RGP1: variants seen among roughly 807,000 people sequenced by gnomAD.
RGP1 encodes RAB6A-GEF complex partner protein 2.
A neutral mutation model predicts 44.5 loss-of-function variants in RGP1; 28 were observed. The observed-to-expected ratio is 0.63, with a 90% confidence interval of 0.47 to 0.86. The LOEUF (loss-of-function observed/expected upper bound fraction) is 0.86, where lower values mean the gene tolerates loss of function less well. Ranked by LOEUF, RGP1 falls within the 40% of genes least tolerant of loss-of-function variation. The pLI, the probability that RGP1 is intolerant of heterozygous loss-of-function variation, is 0.00. For synonymous variants in RGP1, 212 were observed against 196.7 expected, an observed-to-expected ratio of 1.08 and a Z score of -0.65; for missense variants, 417 against 490.7, an observed-to-expected ratio of 0.85 and a Z score of 1.42.
At chr9:35,779,666 C>T in the RGP1 span, among the ~76,000 whole-genome samples, 1 of 152,206 alleles carries the variant, frequency 6.6e-6, no homozygotes, top group Non-Finnish European at 1.5e-5. Flanking sequence ...TCAGGATTCT[C>T]TGCATTAGGG....
Position 35,752,013 on chromosome 9 carries a change from G to A in RGP1, c.820G>A (p.Gly274Arg), listed in dbSNP as rs1456858720. ...RVQPEYQRRR[G>R]AGGVPSVSHV... is the part of the protein sequence containing the mutation. ...ACAGCCTGAGTACCAGCGGCGACGT[G>A]GGGCAGGGGGTGTCCCCTCTGTGTC... Residue 274 changes from glycine (G) to arginine (R), a missense_variant, in exon 8 of 9, where the codon GGG (glycine) becomes AGG (arginine). Transcript: ENST00000378078. 1 of 1,606,250 alleles carries A rather than the reference G, an allele frequency of 6.2e-7. No homozygotes were observed. Among genetic ancestry groups the A allele is most frequent in the Non-Finnish European group, 8.5e-7 (1 of 1,176,248 alleles).
Position 35,757,899 on chromosome 9 carries a change from TTGG to T in RGP1, c.*5029_*5031del, listed in dbSNP as rs968844390. On this transcript the variant is annotated 3_prime_UTR_variant, in exon 9 of 9. Coordinates refer to ENST00000378078, the MANE Select transcript of RGP1 (RefSeq NM_001080496.3). ...ACTCTGTCAAATGATTTAAGTAATT[TTGG>T]TGGATTTTTAAAAATAAAAAAATAA... 4.1e-4 allele frequency: 63 copies of T among 152,340 alleles called. 1 individual carries two copies. Among genetic ancestry groups the T allele is most frequent in the African/African-American group, 1.5e-3 (62 of 41,576 alleles). 9.4% of individuals were successfully genotyped at this position (152,340 alleles called of 1,614,324 possible). A position where few individuals can be genotyped will look rare whatever the true frequency, so the allele number is the denominator to read the frequency against.
the RGP1 span, among the ~76,000 whole-genome samples, chr9:35,786,234 AG>A: frequency 3.3e-5 from 5 of 152,202 alleles, no homozygotes; most frequent in East Asian, 7.7e-4. Context: ...TTAAAAGGCA[AG>A]GGGACACCTT....
chr9:35,789,171 C>G, the RGP1 span, among the ~76,000 whole-genome samples: 1,443 of 152,250 alleles, frequency 9.5e-3, 13 homozygotes, highest in African/African-American at 0.033. Flanking sequence ...GTGCCCACCA[C>G]CACGCCCAGC....
At chr9:35,781,395 TGGGGGTGGGGGGA>T in the RGP1 span, among the ~76,000 whole-genome samples, 1 of 20,006 alleles carries the variant, frequency 5.0e-5, no homozygotes, top group Non-Finnish European at 9.4e-5. Flanking sequence ...CAGGAGATAG[TGGGGGTGGGGGGA>T]GGGGGTGGGG....
the RGP1 span, among the ~76,000 whole-genome samples, chr9:35,788,581 A>G: frequency 5.3e-5 from 8 of 151,368 alleles, no homozygotes; most frequent in South Asian, 2.1e-4. Context: ...AAGAAAAAAA[A>G]AAAAAGAAAA....
Position 35,750,686 on chromosome 9 carries a change from T to A in RGP1, c.282T>A (p.Thr94=), listed in dbSNP as rs1436145692. 3.1e-6 allele frequency: 5 copies of A among 1,613,972 alleles called. No individual in the cohort carries two copies. Among genetic ancestry groups the A allele is most frequent in the Non-Finnish European group, 4.2e-6 (5 of 1,179,876 alleles). Residue 94 remains threonine (T), a synonymous_variant, in exon 4 of 9, where the codon ACT becomes ACA. Coordinates refer to ENST00000378078, the MANE Select transcript of RGP1 (RefSeq NM_001080496.3). The part of the protein sequence containing the change: ...RGERGQCILS[T]PPKILFCDLR... ...AGAGGGGCCAGTGTATCCTTTCTAC[T>A]CCACCGAAAATTCTATTCTGTGACC... is the stretch of plus-strand genomic sequence containing the variant.
chr9:35,754,098 G>A lies in RGP1; in HGVS notation c.*1224G>A, dbSNP rs1435343165. On this transcript the variant is annotated 3_prime_UTR_variant, in exon 9 of 9. Coordinates refer to ENST00000378078, the MANE Select transcript of RGP1 (RefSeq NM_001080496.3). ...CCCCCAGCCTCCTAGGATCCCCTTG[G>A]CCTGTCCAGCCCAGAGCATCCTTAG... 6.2e-7 allele frequency: 1 copy of A among 1,613,464 alleles called. No homozygotes were observed. The highest frequency in any genetic ancestry group is 1.3e-5 in the African/African-American group (1 of 74,874).
At chr9:35,786,315 G>A in the RGP1 span, among the ~76,000 whole-genome samples, 44,853 of 152,130 alleles carry the variant, frequency 0.29, 8,268 homozygotes, top group African/African-American at 0.52. Flanking sequence ...GGAATTTCAA[G>A]TTGAGTGGGT....
the RGP1 span, among the ~76,000 whole-genome samples, chr9:35,765,099 GACA>G: frequency 6.9e-6 from 1 of 144,526 alleles, no homozygotes; most frequent in Non-Finnish European, 1.5e-5. Flanking sequence ...ACTCCAGCCT[GACA>G]ACAAAGCAAG....
At chr9:35,768,199 C>T in the RGP1 span, among the ~76,000 whole-genome samples, 1 of 151,630 alleles carries the variant, frequency 6.6e-6, no homozygotes, top group South Asian at 2.1e-4. Flanking sequence ...GTAGCTGGGA[C>T]CACAAGCATG....
chr9:35,781,870 A>T, the RGP1 span, among the ~76,000 whole-genome samples: 1 of 152,056 alleles, frequency 6.6e-6, no homozygotes, highest in Non-Finnish European at 1.5e-5. Context: ...AGATGGAAGC[A>T]TCTAATTACA....
chr9:35,764,442 T>C, the RGP1 span, among the ~76,000 whole-genome samples: 1 of 152,242 alleles, frequency 6.6e-6, no homozygotes, highest in Non-Finnish European at 1.5e-5. Context: ...TAATGATTTG[T>C]TGGCCAGCTA....
chr9:35,770,602 A>G, the RGP1 span, among the ~76,000 whole-genome samples: 2 of 151,938 alleles, frequency 1.3e-5, no homozygotes, highest in Non-Finnish European at 2.9e-5. Flanking sequence ...AGGGGCAGGT[A>G]GAGAAGGAAG....
chr9:35,776,468 G>A, the RGP1 span, among the ~76,000 whole-genome samples: 6 of 151,814 alleles, frequency 4.0e-5, no homozygotes, highest in South Asian at 1.3e-3. Flanking sequence ...TGTATTTTCA[G>A]TAGAGACAGG....
chr9:35,752,473 C>T (rs1174773983), intron 8 of RGP1, among the ~76,000 whole-genome samples, 178 bp from the exon 9 acceptor site: 4 of 152,218 alleles, frequency 2.6e-5, no homozygotes, highest in Non-Finnish European at 5.9e-5. Flanking sequence ...CTTCAGCTCA[C>T]ATCTGTGGTA....
chr9:35,767,076 A>G, the RGP1 span, among the ~76,000 whole-genome samples: 2 of 152,176 alleles, frequency 1.3e-5, no homozygotes, highest in Non-Finnish European at 2.9e-5. Flanking sequence ...ATATTATTGT[A>G]TGATAGAGCA....
chr9:35,772,664 G>A, the RGP1 span, among the ~76,000 whole-genome samples: 8 of 151,826 alleles, frequency 5.3e-5, no homozygotes, highest in Non-Finnish European at 7.4e-5. Flanking sequence ...GGTGGCGGGC[G>A]CCTGTAGTTC....
the RGP1 span, among the ~76,000 whole-genome samples, chr9:35,779,357 A>G: frequency 1.3e-5 from 2 of 152,210 alleles, no homozygotes; most frequent in African/African-American, 4.8e-5. Flanking sequence ...AAAGAGATCT[A>G]CATGAAAGAG....
Sources: gnomAD v4.1 joint callset for allele counts (sites outside exome capture counted in the v4.1 genomes callset) on GRCh38, gnomAD v4.1.1 for gene constraint, MANE v1.5 for transcripts, NCBI Gene and HGNC (gene_info 2026-07-23, HGNC 2026-07-21) for gene names.